VGLL1: variants seen among roughly 807,000 people sequenced by gnomAD.
The protein encoded by VGLL1 is vestigial like family member 1, also known as transcription cofactor vestigial-like protein 1.
Under a neutral mutation model 12.0 loss-of-function variants are expected in VGLL1, and 4 were observed. That is an observed-to-expected ratio of 0.33 (90% CI 0.16 to 0.76). VGLL1 has a LOEUF of 0.76. Among genes scored for constraint, VGLL1 ranks in the 30% least tolerant of loss-of-function variants. The probability of loss-of-function intolerance (pLI) is 0.60; values close to 1 mark genes in which losing one functional copy is unlikely to be tolerated. For synonymous variants in VGLL1, 87 were observed against 81.2 expected (o/e 1.07, Z -0.39); for missense variants, 204 against 208.7 (o/e 0.98, Z 0.14).
chrX:136,553,477 A>AT (rs1440499979), intron 4 of VGLL1, among the ~76,000 whole-genome samples: 1 of 109,238 alleles, frequency 9.2e-6, no homozygotes, highest in African/African-American at 3.3e-5. Context: ...TGCCTGGCTA[A>AT]TTTTTTGTAT....
intron 3 of VGLL1, among the ~76,000 whole-genome samples, chrX:136,549,813 A>C (rs3027867): frequency 0.18 from 19,913 of 110,937 alleles, 1,723 homozygotes; most frequent in South Asian, 0.33. Flanking sequence ...CTGTTGCAAG[A>C]TTTGCCTTTA....
intron 2 of VGLL1, among the ~76,000 whole-genome samples, chrX:136,539,661 C>T (rs2075850382): frequency 9.0e-6 from 1 of 111,489 alleles, no homozygotes; most frequent in Non-Finnish European, 1.9e-5. Flanking sequence ...GTACTCAGGT[C>T]CCAGACAACT....
intron 2 of VGLL1, among the ~76,000 whole-genome samples, chrX:136,546,609 C>T (rs2075870311): frequency 8.9e-6 from 1 of 112,234 alleles, no homozygotes; most frequent in South Asian, 3.7e-4. Context: ...ATATTCAAAA[C>T]ATTCTGGGGC....
chrX:136,534,234 G>A (rs1292142033), intron 1 of VGLL1, among the ~76,000 whole-genome samples: 1 of 112,411 alleles, frequency 8.9e-6, no homozygotes, highest in Non-Finnish European at 1.9e-5. Flanking sequence ...ATCCATTCAT[G>A]TAGTAACCAT....
At chrX:136,533,489 C>T (rs1410877634) in intron 1 of VGLL1, among the ~76,000 whole-genome samples, 1 of 111,512 alleles carries the variant, frequency 9.0e-6, no homozygotes, top group African/African-American at 3.3e-5. Context: ...CTACCAGCTC[C>T]TTCCCTTGTG....
intron 1 of VGLL1, among the ~76,000 whole-genome samples, chrX:136,534,639 T>C (rs886954875): frequency 1.8e-5 from 2 of 112,848 alleles, no homozygotes; most frequent in Middle Eastern, 4.6e-3. Flanking sequence ...TGTGTGGACA[T>C]AGTTTTTATT....
At chrX:136,539,892 C>T (rs1603308421) in intron 2 of VGLL1, among the ~76,000 whole-genome samples, 1 of 111,763 alleles carries the variant, frequency 8.9e-6, no homozygotes, top group East Asian at 2.8e-4. Context: ...CAGTCTTTCC[C>T]ATCTCAATAA....
chrX:136,532,571 ATATTTCTTTCTTTCTTTCT>A (rs2075825361), intron 1 of VGLL1, among the ~76,000 whole-genome samples: 1 of 93,171 alleles, frequency 1.1e-5, no homozygotes, highest in East Asian at 3.5e-4. Flanking sequence ...CTGTGCTCAA[ATATTTCTTTCTTTCTTTCT>A]TTCTTTCTTT....
chrX:136,553,184 C>T (rs1036842826), intron 4 of VGLL1, among the ~76,000 whole-genome samples: 7 of 110,485 alleles, frequency 6.3e-5, no homozygotes, highest in Non-Finnish European at 1.1e-4. Context: ...TGACACCAGT[C>T]TCCCAATCTT....
intron 2 of VGLL1, 87 bp downstream of exon 2, chrX:136,536,321 G>C: frequency 1.0e-6 from 1 of 964,687 alleles, no homozygotes; most frequent in Non-Finnish European, 1.5e-6. Flanking sequence ...GACACACTTG[G>C]ACACTTATAT....
chrX:136,548,126 G>A (rs1337968086), intron 2 of VGLL1, among the ~76,000 whole-genome samples: 1 of 111,429 alleles, frequency 9.0e-6, no homozygotes, highest in African/African-American at 3.3e-5. Flanking sequence ...TTAGCATCCC[G>A]AGTAGCTGGG....
At chrX:136,540,291 C>G (rs148910852) in intron 2 of VGLL1, among the ~76,000 whole-genome samples, 1,713 of 111,435 alleles carry the variant, frequency 0.015, 20 homozygotes, top group Middle Eastern at 0.078. Context: ...CCCCCGTTGT[C>G]TTACTGATCT....
intron 2 of VGLL1, among the ~76,000 whole-genome samples, chrX:136,541,255 G>A (rs776408078): frequency 2.7e-5 from 3 of 112,449 alleles, no homozygotes; most frequent in Admixed American, 9.4e-5. Context: ...CCTTGCCCAA[G>A]CCAGCCTTCA....
rs1430318395 is a variant in VGLL1, at chrX:136,532,599, TTCTTTCTTTCTTTCTTTC to T, written c.-26+305_-26+322del. Among the ~76,000 whole-genome samples, 56 of 81,028 alleles carry T rather than the reference TTCTTTCTTTCTTTCTTTC, an allele frequency of 6.9e-4. 1 individual carries two copies. The highest frequency in any genetic ancestry group is 2.2e-3 in the African/African-American group (48 of 21,753). 70.4% of individuals were successfully genotyped at this position (81,028 alleles called of 115,157 possible). On this transcript the variant is annotated intron_variant, in intron 1 of 4. Transcript: ENST00000370634. ...TTTCTTTCTTTCTTTCTTTCTTTCT[TTCTTTCTTTCTTTCTTTC>T]TTTCTTTCTTTCTTTCTTTCTTTCT...
intron 1 of VGLL1, among the ~76,000 whole-genome samples, chrX:136,532,653 CTTTCTTTCT>C (rs1476616393): frequency 3.1e-3 from 161 of 52,259 alleles, no homozygotes; most frequent in Admixed American, 0.014. Flanking sequence ...TTCTTTCTTT[CTTTCTTTCT>C]TTTTCTTTCT....
intron 1 of VGLL1, among the ~76,000 whole-genome samples, chrX:136,534,300 T>C (rs766163912): frequency 1.8e-5 from 2 of 112,573 alleles, no homozygotes; most frequent in South Asian, 7.3e-4. Flanking sequence ...CCTCATGCCC[T>C]TTCCTAGTCA....
At chrX:136,545,306 G>GTGT (rs2075866782) in intron 2 of VGLL1, among the ~76,000 whole-genome samples, 1 of 111,894 alleles carries the variant, frequency 8.9e-6, no homozygotes, top group South Asian at 3.7e-4. Flanking sequence ...GTGCATGTTT[G>GTGT]TGTTAGTGAG....
intron 1 of VGLL1, among the ~76,000 whole-genome samples, chrX:136,535,302 C>T (rs1258664981): frequency 8.9e-6 from 1 of 112,298 alleles, no homozygotes; most frequent in African/African-American, 3.2e-5. Context: ...TACAATCTTT[C>T]AGGAGGTTTC....
At chrX:136,546,858 C>G (rs966774280) in intron 2 of VGLL1, among the ~76,000 whole-genome samples, 1 of 112,684 alleles carries the variant, frequency 8.9e-6, no homozygotes, top group Non-Finnish European at 1.9e-5. Flanking sequence ...TCAGAAGTAG[C>G]ATTCACCCTC....
Sources: gnomAD v4.1 joint callset for allele counts (sites outside exome capture counted in the v4.1 genomes callset) on GRCh38, gnomAD v4.1.1 for gene constraint, MANE v1.5 for transcripts, NCBI Gene and HGNC (gene_info 2026-07-23, HGNC 2026-07-21) for gene names.